Variants in WDR70 observed in about 807,000 individuals in gnomAD.
WDR70 encodes the protein WD repeat-containing protein 70.
In WDR70, 53 loss-of-function variants were observed where a neutral mutation model predicts 88.6. The observed-to-expected ratio is 0.60, with a 90% confidence interval of 0.48 to 0.75. WDR70 has a LOEUF of 0.75. WDR70 is among the 30% of genes least tolerant of loss of function. WDR70 has a pLI of 0.00. For missense variants in WDR70, 610 were observed against 823.2 expected, an observed-to-expected ratio of 0.74 and a Z score of 3.17; for synonymous variants, 280 against 270.0, an observed-to-expected ratio of 1.04 and a Z score of -0.36.
chr5:37,649,198 G>A (rs1235409675), intron 10 of WDR70, among the ~76,000 whole-genome samples: 1 of 151,886 alleles, frequency 6.6e-6, no homozygotes, highest in Non-Finnish European at 1.5e-5. Flanking sequence ...GATAGCTTAG[G>A]TAAAGATATA....
intron 5 of WDR70, among the ~76,000 whole-genome samples, chr5:37,417,801 C>T (rs961352653): frequency 6.6e-6 from 1 of 152,144 alleles, no homozygotes; most frequent in Admixed American, 6.5e-5. Flanking sequence ...CTTGCCTTGG[C>T]CTCGCAAAGT....
At position 37,396,548 on chromosome 5, in the gene WDR70, A is replaced by C. The variant is rs562824970; in HGVS notation, c.470A>C (p.Glu157Ala). ...GAAGAAGAAGAAGCAGAGGAAGAAG[A>C]AGAGGAAGAGGAGGAAGAGGAAGTA... ...NEEEEEAEEEEEEEEEEENPV... is the reference protein window; with the variant it reads ...NEEEEEAEEEAEEEEEEENPV... Residue 157 changes from glutamate to alanine, a missense_variant, in exon 5 of 18, where the codon GAA becomes GCA. Coordinates refer to ENST00000265107, the MANE Select transcript of WDR70 (RefSeq NM_018034.4). 6.2e-7 allele frequency: 1 copy of C among 1,611,940 alleles called. No individual in the cohort carries two copies. The highest frequency in any genetic ancestry group is 8.5e-7 in the Non-Finnish European group (1 of 1,179,688).
At chr5:37,486,690 C>G (rs865957759) in intron 8 of WDR70, among the ~76,000 whole-genome samples, 1 of 151,704 alleles carries the variant, frequency 6.6e-6, no homozygotes. Context: ...AGATGGTATG[C>G]CATTGTGGTT....
chr5:37,386,397 G>T (rs187537179), intron 3 of WDR70, among the ~76,000 whole-genome samples: 58 of 152,066 alleles, frequency 3.8e-4, no homozygotes, highest in African/African-American at 1.3e-3. Flanking sequence ...GTGCAATCTA[G>T]GCTCACTGCA....
intron 10 of WDR70, among the ~76,000 whole-genome samples, chr5:37,607,946 G>A (rs1406420402): frequency 6.6e-6 from 1 of 151,922 alleles, no homozygotes; most frequent in Non-Finnish European, 1.5e-5. Flanking sequence ...CATGATGTGA[G>A]AGAGGGGGAA....
At chr5:37,699,402 T>TACACACACACAC (rs70978839) in intron 11 of WDR70, among the ~76,000 whole-genome samples, 1 of 70,806 alleles carries the variant, frequency 1.4e-5, no homozygotes, top group Admixed American at 1.0e-4. Flanking sequence ...TATATATATA[T>TACACACACACAC]ACACACACAC....
At chr5:37,659,962 A>T (rs1581473015) in intron 10 of WDR70, among the ~76,000 whole-genome samples, 1 of 152,124 alleles carries the variant, frequency 6.6e-6, no homozygotes, top group African/African-American at 2.4e-5. Context: ...TTGATATTTT[A>T]TGTTTATGTT....
intron 5 of WDR70, among the ~76,000 whole-genome samples, chr5:37,434,603 T>C (rs1302046375): frequency 6.6e-6 from 1 of 152,226 alleles, no homozygotes; most frequent in African/African-American, 2.4e-5. Flanking sequence ...AGAAGGGTTG[T>C]TTCTGATTTG....
chr5:37,568,001 A>G (rs593170), intron 9 of WDR70, among the ~76,000 whole-genome samples: 2 of 152,208 alleles, frequency 1.3e-5, no homozygotes, highest in Non-Finnish European at 2.9e-5. Context: ...CTATTTACCT[A>G]TTCAAGTCCA....
chr5:37,487,899 C>T (rs1011000601), intron 8 of WDR70, among the ~76,000 whole-genome samples: 1 of 152,000 alleles, frequency 6.6e-6, no homozygotes, highest in African/African-American at 2.4e-5. Context: ...GCTGGGATTA[C>T]AGGCATGAGC....
intron 7 of WDR70, among the ~76,000 whole-genome samples, chr5:37,479,019 A>C (rs1396886799): frequency 6.6e-6 from 1 of 152,198 alleles, no homozygotes; most frequent in African/African-American, 2.4e-5. Flanking sequence ...TTAGCTGTGA[A>C]GGGGATGAGA....
intron 17 of WDR70, among the ~76,000 whole-genome samples, chr5:37,744,999 C>T (rs10473065): frequency 0.08 from 12,062 of 150,938 alleles, 1,524 homozygotes; most frequent in African/African-American, 0.27. Flanking sequence ...TCTCCAAGGT[C>T]GAACTGTTAA....
chr5:37,567,372 A>T (rs920584031), intron 9 of WDR70, among the ~76,000 whole-genome samples: 1 of 152,326 alleles, frequency 6.6e-6, no homozygotes, highest in Admixed American at 6.5e-5. Flanking sequence ...CTGCCCACAG[A>T]ATTTTAAGAA....
chr5:37,505,344 T>C (rs965671235), intron 8 of WDR70, among the ~76,000 whole-genome samples: 13 of 152,160 alleles, frequency 8.5e-5, no homozygotes, highest in Admixed American at 2.6e-4. Flanking sequence ...GTGCCGATCG[T>C]ATGGGAAAAC....
chr5:37,488,426 C>T (rs1739961201), intron 8 of WDR70, among the ~76,000 whole-genome samples: 1 of 151,686 alleles, frequency 6.6e-6, no homozygotes, highest in Admixed American at 6.6e-5. Context: ...CCTGGAACAC[C>T]CACAATTCAG....
At chr5:37,437,057 T>C (rs910824176) in intron 5 of WDR70, among the ~76,000 whole-genome samples, 1 of 152,192 alleles carries the variant, frequency 6.6e-6, no homozygotes, top group Non-Finnish European at 1.5e-5. Flanking sequence ...TCAGTTGTTC[T>C]GCCCATACTC....
intron 10 of WDR70, among the ~76,000 whole-genome samples, chr5:37,695,047 C>G (rs1291801790): frequency 6.6e-6 from 1 of 152,090 alleles, no homozygotes; most frequent in African/African-American, 2.4e-5. Flanking sequence ...GTTCTGCAGG[C>G]TATACAGGAA....
intron 5 of WDR70, among the ~76,000 whole-genome samples, chr5:37,424,390 C>T (rs1326002029): frequency 7.4e-6 from 1 of 135,858 alleles, no homozygotes. Flanking sequence ...TTGCAAGTGA[C>T]AATTTAATTT....
intron 13 of WDR70, among the ~76,000 whole-genome samples, chr5:37,715,144 G>A (rs1204061593): frequency 6.6e-6 from 1 of 152,066 alleles, no homozygotes; most frequent in Non-Finnish European, 1.5e-5. Flanking sequence ...TTTTTAAAAT[G>A]CATAATATAT....
Sources: allele counts gnomAD v4.1 joint callset (sites outside exome capture counted in the v4.1 genomes callset), GRCh38; gene constraint gnomAD v4.1.1; transcripts MANE v1.5; gene names NCBI Gene and HGNC (gene_info 2026-07-23, HGNC 2026-07-21).